MPHOSPH8: variants seen among roughly 807,000 people sequenced by gnomAD.
The protein encoded by MPHOSPH8 is M-phase phosphoprotein 8.
Under a neutral mutation model 87.3 loss-of-function variants are expected in MPHOSPH8, and 45 were observed. The ratio of observed to expected loss-of-function variants is 0.52; its 90% CI spans 0.41 to 0.66. MPHOSPH8 has a LOEUF of 0.66. MPHOSPH8 is among the 30% of genes least tolerant of loss of function. MPHOSPH8 has a pLI of 0.00. For synonymous variants in MPHOSPH8, 366 were observed against 376.9 expected, an observed-to-expected ratio of 0.97 and a Z score of 0.33; for missense variants, 883 against 1,020.2, an observed-to-expected ratio of 0.87 and a Z score of 1.83.
intron 5 of MPHOSPH8, among the ~76,000 whole-genome samples, chr13:19,657,763 C>G (rs1002902243): frequency 2.6e-5 from 4 of 152,128 alleles, no homozygotes; most frequent in African/African-American, 9.7e-5. Context: ...GGTATTATCT[C>G]AGTTCATAAA....
rs549519349 is a variant in MPHOSPH8, at chr13:19,666,553, C to T, written c.2148C>T (p.Tyr716=). The change falls in exon 10 of 14, where the codon TAC becomes TAT. Residue 716 remains tyrosine (Y), a synonymous_variant. Coordinates refer to ENST00000361479, the MANE Select transcript of MPHOSPH8 (RefSeq NM_017520.4). Reference sequence around the variant, plus strand: ...AGCAGTCTAACAATGTGCTTGTGTACGACTTGCTGAAGAACCATTTAGAGA... The same window carrying T: ...AGCAGTCTAACAATGTGCTTGTGTATGACTTGCTGAAGAACCATTTAGAGA... ...FAKQSNNVLV[Y]DLLKNHLETL... is the part of the protein sequence containing the mutation. The T allele has an allele frequency of 4.8e-5, 77 of 1,589,712 alleles. No homozygotes were observed. The highest frequency in any genetic ancestry group is 6.2e-5 in the Non-Finnish European group (72 of 1,160,330).
In MPHOSPH8 at chr13:19,647,150, G is replaced by A. The variant is rs1874612941; in HGVS notation, c.1077G>A (p.Val359=). 1 of 1,614,102 alleles carries A rather than the reference G, an allele frequency of 6.2e-7. No homozygotes were observed. The highest frequency in any genetic ancestry group is 8.5e-7 in the Non-Finnish European group (1 of 1,180,012). The change falls in exon 3 of 14, where the codon GTG becomes GTA. Residue 359 remains valine, a synonymous_variant. Transcript: ENST00000361479. ...ACGCTTTCTTAGAGAAGAAAACTGT[G>A]CCTAAAAAGCAGAGGAATCAAGACA... ...NKNAFLEKKT[V]PKKQRNQDRS...
At chr13:19,670,823 T>G (rs1406210415) in intron 12 of MPHOSPH8, 4 of 907,158 alleles carry the variant, frequency 4.4e-6, no homozygotes, top group African/African-American at 3.5e-5. Flanking sequence ...TAAATCACTT[T>G]TTTTTTTTTT....
intron 9 of MPHOSPH8, among the ~76,000 whole-genome samples, 172 bp downstream of exon 9, chr13:19,663,298 T>C (rs916511939): frequency 6.6e-6 from 1 of 152,060 alleles, no homozygotes; most frequent in Non-Finnish European, 1.5e-5. Flanking sequence ...AGGGTAGCAG[T>C]GAGAGCTCAG....
chr13:19,656,288 A>AAC (rs1431313719), intron 5 of MPHOSPH8, among the ~76,000 whole-genome samples: 3 of 150,948 alleles, frequency 2.0e-5, no homozygotes. Flanking sequence ...AAAAAAAAAA[A>AAC]AAAAAAAAAA....
At chr13:19,659,142 G>A (rs751265288) in intron 6 of MPHOSPH8, 22 bp downstream of exon 6, 2 of 1,611,820 alleles carry the variant, frequency 1.2e-6, no homozygotes, top group Non-Finnish European at 1.7e-6. Flanking sequence ...TGGAAATATT[G>A]AAATCCCTTT....
intron 7 of MPHOSPH8, chr13:19,659,776 T>G: frequency 3.3e-6 from 1 of 300,618 alleles, no homozygotes; most frequent in South Asian, 3.0e-5. Context: ...CTAAAAGTGA[T>G]GGTTTGGTTT....
At chr13:19,668,885 C>T (rs1265016338) in intron 11 of MPHOSPH8, among the ~76,000 whole-genome samples, 1 of 152,124 alleles carries the variant, frequency 6.6e-6, no homozygotes, top group Admixed American at 6.5e-5. Flanking sequence ...TAGTCTTGCT[C>T]CATAGTAAAG....
At chr13:19,656,710 A>C (rs1875199634) in intron 5 of MPHOSPH8, among the ~76,000 whole-genome samples, 1 of 152,138 alleles carries the variant, frequency 6.6e-6, no homozygotes, top group Non-Finnish European at 1.5e-5. Context: ...CAGTGAGCTG[A>C]GATCGTGCCA....
At chr13:19,656,291 A>AAAC in intron 5 of MPHOSPH8, among the ~76,000 whole-genome samples, 1 of 151,180 alleles carries the variant, frequency 6.6e-6, no homozygotes, top group Non-Finnish European at 1.5e-5. Context: ...AAAAAAAAAA[A>AAAC]AAAAAAAAAC....
chr13:19,655,209 C>T (rs926273118), intron 5 of MPHOSPH8, among the ~76,000 whole-genome samples: 1 of 152,160 alleles, frequency 6.6e-6, no homozygotes, highest in African/African-American at 2.4e-5. Context: ...GGCATGGTGG[C>T]TCACACCTAC....
rs767892846 is a variant in MPHOSPH8, at chr13:19,668,391, C to G, written c.2189C>G (p.Ala730Gly). Residue 730 changes from alanine to glycine, a missense_variant, in exon 11 of 14, where the codon GCA becomes GGA. This residue lies in a region of MPHOSPH8 where 741 missense variants were observed against 841.5 expected (regional missense o/e 0.88). Coordinates refer to ENST00000361479, the MANE Select transcript of MPHOSPH8 (RefSeq NM_017520.4). ...KNHLETLSRV[A>G]EETIKDYFEA... ...TTTTTTCTTAGACTTTCAAGAGTAGCAGAAGAGACAATAAAGGATTACTTT... is the reference window on the plus strand; with the variant it reads ...TTTTTTCTTAGACTTTCAAGAGTAGGAGAAGAGACAATAAAGGATTACTTT... 1 of 1,613,052 alleles carries G rather than the reference C, an allele frequency of 6.2e-7. No homozygotes were observed. The highest frequency in any genetic ancestry group is 8.5e-7 in the Non-Finnish European group (1 of 1,179,638).
chr13:19,646,839 A>G lies in MPHOSPH8; in HGVS notation c.766A>G (p.Lys256Glu), dbSNP rs1565935512. The G allele has an allele frequency of 1.3e-6, 2 of 1,599,444 alleles. No homozygotes were observed. Among genetic ancestry groups the G allele is most frequent in the Non-Finnish European group, 1.7e-6 (2 of 1,176,774 alleles). Residue 256 changes from lysine to glutamate, a missense_variant, in exon 3 of 14, where the codon AAA (lysine) becomes GAA (glutamate). Around this residue, in one of 3 missense-constraint regions of MPHOSPH8, gnomAD observed 741 missense variants for 841.5 expected, o/e 0.88. Coordinates refer to ENST00000361479, the MANE Select transcript of MPHOSPH8 (RefSeq NM_017520.4). ...AGAAAATAGAAAAACAAAAAAAGAA[A>G]AATTTGTCGAATCCCAGGTGGAATC... ...PKENRKTKKE[K>E]FVESQVESES...
At chr13:19,670,807 GA>G in intron 12 of MPHOSPH8, 1 of 1,214,270 alleles carries the variant, frequency 8.2e-7, no homozygotes, top group African/African-American at 1.7e-5. Flanking sequence ...TAAATCAAGG[GA>G]AAAATAAATC....
chr13:19,657,245 G>A (rs1158248305), intron 5 of MPHOSPH8, among the ~76,000 whole-genome samples: 1 of 151,780 alleles, frequency 6.6e-6, no homozygotes, highest in Non-Finnish European at 1.5e-5. Context: ...TCCAGGCACG[G>A]TGGTTCACGC....
chr13:19,641,462 A>G (rs1874284895), intron 1 of MPHOSPH8, among the ~76,000 whole-genome samples: 1 of 145,966 alleles, frequency 6.9e-6, no homozygotes, highest in African/African-American at 2.6e-5. Context: ...AGCTGGGACT[A>G]CAGGCACGTG....
At chr13:19,654,583 G>C (rs1370392532) in intron 5 of MPHOSPH8, among the ~76,000 whole-genome samples, 1 of 152,132 alleles carries the variant, frequency 6.6e-6, no homozygotes, top group East Asian at 1.9e-4. Context: ...TCTAAAAATA[G>C]ACAAAGAATG....
intron 5 of MPHOSPH8, among the ~76,000 whole-genome samples, chr13:19,654,671 G>A (rs1010718823): frequency 4.6e-5 from 7 of 152,226 alleles, no homozygotes; most frequent in African/African-American, 1.4e-4. Flanking sequence ...AGAAAAGGCC[G>A]GGCGCAGTGG....
intron 1 of MPHOSPH8, 117 bp downstream of exon 1, chr13:19,634,078 G>A (rs1378203492): frequency 2.9e-6 from 3 of 1,050,382 alleles, no homozygotes; most frequent in Non-Finnish European, 4.3e-6. Flanking sequence ...GAATGTGAGA[G>A]TTCAATGCAA....
Sources: gnomAD v4.1 joint callset for allele counts (sites outside exome capture counted in the v4.1 genomes callset) on GRCh38, gnomAD v4.1.1 for gene constraint, gnomAD v4.1.1 regional missense constraint, MANE v1.5 for transcripts, NCBI Gene and HGNC (gene_info 2026-07-23, HGNC 2026-07-21) for gene names.